The following SPATC1L variants were observed in gnomAD, a reference collection of about 807,000 sequenced individuals.
SPATC1L encodes the protein spermatogenesis and centriole associated 1 like.
SPATC1L carries 20 observed loss-of-function variants against 21.2 expected under a neutral mutation model. That is an observed-to-expected ratio of 0.94 (90% CI 0.66 to 1.37). SPATC1L has a LOEUF of 1.37. Ranked by LOEUF, SPATC1L falls within the 40% of genes most tolerant of loss-of-function variation. SPATC1L has a pLI of 0.00. For synonymous variants in SPATC1L, 290 were observed against 234.5 expected (o/e 1.24, Z -2.16); for missense variants, 499 against 478.7 (o/e 1.04, Z -0.40).
Position 46,163,447 on chromosome 21 carries a change from A to G in SPATC1L, c.545-1380T>C, listed in dbSNP as rs2079517516. On this transcript the variant is annotated intron_variant, in intron 3 of 4. Transcript: ENST00000291672. Reference sequence around the variant, plus strand: ...TCCAAGGTCACGAAGATTTACCCCTATGTCTTTTCTACAAGTTTTCTGGCC... The same window carrying G: ...TCCAAGGTCACGAAGATTTACCCCTGTGTCTTTTCTACAAGTTTTCTGGCC... Among the ~76,000 whole-genome samples the G allele has an allele frequency of 3.3e-5, 5 of 152,122 alleles. No homozygotes were observed. In the South Asian group the frequency reaches 1.0e-3, roughly 32 times the overall value.
intron 2 of SPATC1L, among the ~76,000 whole-genome samples, chr21:46,171,552 G>C (rs1443237026): frequency 6.6e-6 from 1 of 151,406 alleles, no homozygotes; most frequent in East Asian, 1.9e-4. Context: ...CTGCCACGTG[G>C]GAGGCCTGGA....
At position 46,182,905 on chromosome 21, in the gene SPATC1L, A is replaced by G. The variant is rs1193724118; in HGVS notation, c.-89T>C. The G allele has an allele frequency of 1.5e-6, 2 of 1,346,496 alleles. No homozygotes were observed. The highest frequency in any genetic ancestry group is 2.0e-6 in the Non-Finnish European group (2 of 1,017,270). 83.4% of individuals were successfully genotyped at this position (1,346,496 alleles called of 1,614,324 possible). The stretch of plus-strand genomic sequence containing the variant: ...CCCGCAGGCACCACAGAAACAGCCC[A>G]GGCACGGAGTTCCGTAGCCACCACC... On this transcript the variant is annotated 5_prime_UTR_variant, in exon 2 of 5. Transcript: ENST00000291672.
intron 3 of SPATC1L, among the ~76,000 whole-genome samples, chr21:46,167,445 G>T (rs559591957): frequency 2.4e-4 from 37 of 152,222 alleles, no homozygotes; most frequent in African/African-American, 7.9e-4. Context: ...GATCAGAGAA[G>T]AAATAAATGA....
intron 2 of SPATC1L, among the ~76,000 whole-genome samples, chr21:46,181,814 C>T (rs1043775160): frequency 6.6e-6 from 1 of 152,196 alleles, no homozygotes; most frequent in Non-Finnish European, 1.5e-5. Context: ...CCGTGGGAAT[C>T]CCAGGCAGTG....
At chr21:46,177,592 A>C (rs2079641808) in intron 2 of SPATC1L, among the ~76,000 whole-genome samples, 1 of 152,248 alleles carries the variant, frequency 6.6e-6, no homozygotes, top group African/African-American at 2.4e-5. Context: ...ATAATTAACA[A>C]GTCAAAAAAC....
chr21:46,161,451 G>A lies in SPATC1L; in HGVS notation c.951C>T (p.Gly317=), dbSNP rs376854767. 11 of 1,588,842 alleles carry A rather than the reference G, an allele frequency of 6.9e-6. No homozygotes were observed. Among genetic ancestry groups the A allele is most frequent in the Middle Eastern group, 1.7e-4 (1 of 6,000 alleles). ...VIDVVPPKFL[G]DSLLLLNCLC... ...GGCAGTTGAGCAGCAGCAGCGAGTCGCCCAGGAACTTGGGGGGCACCACGT... is the reference window on the plus strand; with the variant it reads ...GGCAGTTGAGCAGCAGCAGCGAGTCACCCAGGAACTTGGGGGGCACCACGT... The change falls in exon 5 of 5, where the codon GGC becomes GGT. Residue 317 remains glycine, a synonymous_variant. Transcript: ENST00000291672.
chr21:46,162,397 G>A (rs2079506812), intron 3 of SPATC1L, among the ~76,000 whole-genome samples: 1 of 152,138 alleles, frequency 6.6e-6, no homozygotes, highest in Admixed American at 6.5e-5. Context: ...CCCGGCCCTG[G>A]AGGTCTGAGT....
At chr21:46,162,308 T>G (rs1308677527) in intron 3 of SPATC1L, among the ~76,000 whole-genome samples, 1 of 152,098 alleles carries the variant, frequency 6.6e-6, no homozygotes, top group Non-Finnish European at 1.5e-5. Context: ...GAGGTAAACC[T>G]TTTAATCTCG....
chr21:46,164,674 C>G (rs2079527431), intron 3 of SPATC1L, among the ~76,000 whole-genome samples: 1 of 151,924 alleles, frequency 6.6e-6, no homozygotes, highest in African/African-American at 2.4e-5. Context: ...TGCCTGTAAT[C>G]CCAGCTACTG....
At chr21:46,162,099 G>C in intron 3 of SPATC1L, 32 bp from the exon 4 acceptor site, 3 of 1,532,650 alleles carry the variant, frequency 2.0e-6, no homozygotes, top group Non-Finnish European at 2.6e-6. Context: ...ACAAGGTCAG[G>C]GGAGCGCGAG....
At chr21:46,184,030 C>T (rs2079704467) in intron 1 of SPATC1L, among the ~76,000 whole-genome samples, 1 of 137,568 alleles carries the variant, frequency 7.3e-6, no homozygotes, top group South Asian at 2.4e-4. Context: ...CGATGGCCCC[C>T]ACATGCTTTG....
intron 2 of SPATC1L, among the ~76,000 whole-genome samples, chr21:46,174,063 C>T (rs2079611637): frequency 6.6e-6 from 1 of 152,092 alleles, no homozygotes; most frequent in South Asian, 2.1e-4. Flanking sequence ...CATGGTGGCT[C>T]ATGTCTGTAA....
chr21:46,176,241 C>G (rs528562807), intron 2 of SPATC1L, among the ~76,000 whole-genome samples: 3 of 152,184 alleles, frequency 2.0e-5, no homozygotes, highest in Non-Finnish European at 4.4e-5. Context: ...AATGCCCTCT[C>G]TCACCACTCC....
At chr21:46,182,535 G>T (rs939709081) in intron 2 of SPATC1L, 89 bp downstream of exon 2, 3 of 1,261,238 alleles carry the variant, frequency 2.4e-6, no homozygotes, top group Middle Eastern at 2.8e-4. Context: ...TCCCGCATCA[G>T]GGAGCTGGCC....
chr21:46,175,615 T>C (rs1484809730), intron 2 of SPATC1L, among the ~76,000 whole-genome samples: 1 of 152,076 alleles, frequency 6.6e-6, no homozygotes, highest in African/African-American at 2.4e-5. Context: ...TAGGAATAAA[T>C]GGAATCCCTG....
chr21:46,161,580 G>C lies in SPATC1L; in HGVS notation c.822C>G (p.Phe274Leu), dbSNP rs753779586. 8 of 1,610,288 alleles carry C rather than the reference G, an allele frequency of 5.0e-6. No individual in the cohort carries two copies. In the Admixed American group the frequency reaches 1.0e-4, roughly 20 times the overall value. The change falls in exon 5 of 5, where the codon TTC becomes TTG. Residue 274 changes from phenylalanine (F) to leucine (L), a missense_variant. Phe to Leu is a conservative substitution (Grantham distance 22). Coordinates refer to ENST00000291672, the MANE Select transcript of SPATC1L (RefSeq NM_001142854.2). The part of the protein sequence containing the change: ...LGYSRDVHPA[F>L]SEFLINTYGI... ...CGTAGGTGTTGATGAGGAACTCGCT[G>C]AACGCCGGGTGCACGTCGCGGCTGT...
At chr21:46,162,097 A>AG in intron 3 of SPATC1L, 30 bp from the exon 4 acceptor site, 1 of 1,539,644 alleles carries the variant, frequency 6.5e-7, no homozygotes, top group Non-Finnish European at 8.7e-7. Context: ...GGACAAGGTC[A>AG]GGGGAGCGCG....
chr21:46,161,885 C>T (rs781261382), intron 4 of SPATC1L, 31 bp downstream of exon 4: 15 of 1,598,260 alleles, frequency 9.4e-6, no homozygotes, highest in South Asian at 2.2e-5. Context: ...GCCCCGCACC[C>T]TCCTGGCCGC....
chr21:46,167,489 T>C (rs1385033499), intron 3 of SPATC1L, among the ~76,000 whole-genome samples: 4 of 152,072 alleles, frequency 2.6e-5, no homozygotes, highest in Non-Finnish European at 5.9e-5. Flanking sequence ...AACAGATCAA[T>C]GTAACAAAAA....
Sources: allele counts gnomAD v4.1 joint callset (sites outside exome capture counted in the v4.1 genomes callset), GRCh38; gene constraint gnomAD v4.1.1; transcripts MANE v1.5; gene names NCBI Gene and HGNC (gene_info 2026-07-23, HGNC 2026-07-21).